Variants in TGFBI observed in about 807,000 individuals in gnomAD.
The protein encoded by TGFBI is transforming growth factor beta induced.
TGFBI carries 50 observed loss-of-function variants against 73.7 expected under a neutral mutation model. That is an observed-to-expected ratio of 0.68 (90% CI 0.54 to 0.86). The LOEUF (loss-of-function observed/expected upper bound fraction) is 0.86, where lower values mean the gene tolerates loss of function less well. TGFBI is among the 40% of genes least tolerant of loss of function. The pLI is 0.00. For synonymous variants in TGFBI, 362 were observed against 360.5 expected (o/e 1.00, Z -0.05); for missense variants, 839 against 877.0 (o/e 0.96, Z 0.55).
chr5:136,051,530 T>C (rs975997519), intron 7 of TGFBI, among the ~76,000 whole-genome samples: 9 of 152,224 alleles, frequency 5.9e-5, no homozygotes, highest in African/African-American at 1.7e-4. Flanking sequence ...CAAATCTGCC[T>C]TTTCCTACTC....
intron 7 of TGFBI, among the ~76,000 whole-genome samples, chr5:136,052,598 C>G (rs954534852): frequency 5.3e-5 from 8 of 152,228 alleles, no homozygotes; most frequent in Admixed American, 5.2e-4. Flanking sequence ...AATTTCATGT[C>G]ATCCCCACAG....
chr5:136,056,829 T>C, intron 12 of TGFBI, 34 bp downstream of exon 12: 2 of 1,584,448 alleles, frequency 1.3e-6, no homozygotes, highest in Non-Finnish European at 1.7e-6. Context: ...TCTCCATTTT[T>C]CTAAAGTAGT....
chr5:136,056,715 G>T lies in TGFBI; in HGVS notation c.1598G>T (p.Arg533Leu), dbSNP rs371923032. 7.4e-6 allele frequency: 12 copies of T among 1,613,822 alleles called. 1 individual carries two copies. The South Asian group carries it at 9.9e-5, about 13-fold the overall frequency. ...GCAGGACTGACGGAGACCCTCAACC[G>T]GGAAGGAGTCTACACAGTCTTTGCT... is the stretch of plus-strand genomic sequence containing the variant. The part of the protein sequence containing the change: ...QSAGLTETLN[R>L]EGVYTVFAPT... Residue 533 changes from arginine to leucine, a missense_variant, in exon 12 of 17, where the codon CGG (arginine) becomes CTG (leucine). Coordinates refer to ENST00000442011, the MANE Select transcript of TGFBI (RefSeq NM_000358.3).
At chr5:136,060,571 G>A (rs1372373438) in intron 13 of TGFBI, among the ~76,000 whole-genome samples, 14 of 152,144 alleles carry the variant, frequency 9.2e-5, no homozygotes, top group East Asian at 1.9e-4. Context: ...TTAGCTGGGC[G>A]TGGTGGCACA....
At chr5:136,059,325 G>A (rs1370467373) in intron 13 of TGFBI, 111 bp downstream of exon 13, 36 of 1,423,996 alleles carry the variant, frequency 2.5e-5, no homozygotes, top group South Asian at 4.2e-5. Flanking sequence ...GTTGCAGCCC[G>A]AATCTCTGAG....
At chr5:136,053,228 T>C in intron 8 of TGFBI, 109 bp downstream of exon 8, 1 of 1,006,062 alleles carries the variant, frequency 9.9e-7, no homozygotes, top group Non-Finnish European at 1.5e-6. Flanking sequence ...CTTCCCTGCC[T>C]GGACCCAGCT....
At chr5:136,044,266 C>T in intron 3 of TGFBI, 144 bp downstream of exon 3, 1 of 722,142 alleles carries the variant, frequency 1.4e-6, no homozygotes, top group South Asian at 1.7e-5. Context: ...CCACTGGCCC[C>T]AGGCTCTATG....
At position 136,054,204 on chromosome 5, in the gene TGFBI, C is replaced by A. The variant is rs80030369; in HGVS notation, c.1264+124C>A. On this transcript the variant is annotated intron_variant, in intron 9 of 16. Coordinates refer to ENST00000442011, the MANE Select transcript of TGFBI (RefSeq NM_000358.3). ...ACATTAGAACTTCCACTCAGCTCAA[C>A]CAAAAGCAGATGTGACTTCAGCAGA... 6.2e-4 allele frequency: 831 copies of A among 1,338,744 alleles called. 7 individuals are homozygous for A. The African/African-American group carries it at 0.011, about 18-fold the overall frequency. The allele number at this position is 1,338,744 out of a possible 1,614,324, so 82.9% of individuals were successfully genotyped here.
chr5:136,062,727 T>C, intron 16 of TGFBI, 40 bp downstream of exon 16: 1 of 1,557,098 alleles, frequency 6.4e-7, no homozygotes, highest in Non-Finnish European at 8.7e-7. Context: ...CAGACCTGTT[T>C]AGGCCTTACC....
intron 2 of TGFBI, among the ~76,000 whole-genome samples, chr5:136,042,395 C>T (rs986152403): frequency 1.3e-5 from 2 of 152,140 alleles, no homozygotes; most frequent in Non-Finnish European, 2.9e-5. Flanking sequence ...TCAAGTTCAC[C>T]CTGCTAGTTA....
chr5:136,056,144 A>C (rs558995293), intron 11 of TGFBI, among the ~76,000 whole-genome samples: 2 of 152,358 alleles, frequency 1.3e-5, no homozygotes, highest in African/African-American at 4.8e-5. Flanking sequence ...CATAGTTTAC[A>C]GTGCACGATG....
intron 2 of TGFBI, among the ~76,000 whole-genome samples, chr5:136,037,672 C>A (rs1361996877): frequency 3.3e-5 from 5 of 152,318 alleles, no homozygotes; most frequent in African/African-American, 9.6e-5. Flanking sequence ...AAGTGCGAAG[C>A]CCTTCTCTGG....
rs1019094942 is a variant in TGFBI, at chr5:136,054,165, C to T, written c.1264+85C>T. ...CACCTCCACAACACTCTCCGATTTA[C>T]AGCACCCCATGGGACATTAGAACTT... On this transcript the variant is annotated intron_variant, in intron 9 of 16. Transcript: ENST00000442011. The T allele has an allele frequency of 6.5e-6, 10 of 1,536,136 alleles. No homozygotes were observed. The South Asian group carries it at 8.6e-5, about 13-fold the overall frequency.
chr5:136,059,341 T>A, intron 13 of TGFBI, 127 bp downstream of exon 13: 1 of 1,362,140 alleles, frequency 7.3e-7, no homozygotes, highest in South Asian at 1.5e-5. Flanking sequence ...CTGAGTGTAA[T>A]TCGTCCAAAG....
At chr5:136,035,667 T>C (rs560642205) in intron 2 of TGFBI, among the ~76,000 whole-genome samples, 6 of 151,448 alleles carry the variant, frequency 4.0e-5, no homozygotes, top group East Asian at 1.9e-4. Flanking sequence ...TTAGTACTGA[T>C]TGATTTTTTC....
chr5:136,044,989 A>G (rs1226668123), intron 3 of TGFBI: 1 of 152,206 alleles, frequency 6.6e-6, no homozygotes, highest in East Asian at 1.9e-4. Context: ...ACCCTCTTTT[A>G]AATTTTTGTA....
intron 11 of TGFBI, 103 bp downstream of exon 11, chr5:136,055,919 C>T (rs910840076): frequency 1.6e-6 from 2 of 1,289,668 alleles, no homozygotes; most frequent in African/African-American, 3.0e-5. Flanking sequence ...CTTGGGGATT[C>T]AATTAACACT....
intron 12 of TGFBI, among the ~76,000 whole-genome samples, chr5:136,057,110 A>C (rs997906998): frequency 6.6e-6 from 1 of 152,068 alleles, no homozygotes. Flanking sequence ...TGTCAGAACC[A>C]TGCAAGGGGG....
At chr5:136,034,153 C>T (rs1328360961) in intron 2 of TGFBI, among the ~76,000 whole-genome samples, 1 of 151,882 alleles carries the variant, frequency 6.6e-6, no homozygotes, top group African/African-American at 2.4e-5. Context: ...TTTCTCAATC[C>T]TCATAAAATA....
Sources: allele counts gnomAD v4.1 joint callset (sites outside exome capture counted in the v4.1 genomes callset), GRCh38; gene constraint gnomAD v4.1.1; transcripts MANE v1.5; gene names NCBI Gene and HGNC (gene_info 2026-07-23, HGNC 2026-07-21).